Variants in MYCBP2 observed in about 807,000 individuals in gnomAD.
MYCBP2 encodes the protein E3 ubiquitin-protein ligase MYCBP2.
In MYCBP2, 120 loss-of-function variants were observed where a neutral mutation model predicts 525.3. That is an observed-to-expected ratio of 0.23 (90% CI 0.20 to 0.27). The LOEUF (loss-of-function observed/expected upper bound fraction) is 0.27. MYCBP2 is among the 10% of genes least tolerant of loss of function. The pLI, the probability that MYCBP2 is intolerant of heterozygous loss-of-function variation, is 1.00. For missense variants in MYCBP2, 4,149 were observed against 5,657.1 expected (o/e 0.73, Z 8.55); for synonymous variants, 1,894 against 1,955.8 (o/e 0.97, Z 0.83).
intron 40 of MYCBP2, 151 bp downstream of exon 40, chr13:77,168,277 C>A: frequency 1.7e-6 from 1 of 602,074 alleles, no homozygotes; most frequent in South Asian, 2.3e-5. Context: ...TTTTATATAT[C>A]CAACAGTGCC....
Position 77,045,394 on chromosome 13 carries a change from T to C in MYCBP2, c.14021A>G (p.Asn4674Ser). The C allele has an allele frequency of 1.2e-6, 2 of 1,613,710 alleles. No individual in the cohort carries two copies. The highest frequency in any genetic ancestry group is 1.7e-6 in the Non-Finnish European group (2 of 1,179,688). The part of the protein sequence containing the change: ...EFALGCGVCR[N>S]AHTF ...CTGCGTGTTCTAAAAAGTGTGGGCA[T>C]TTCTGCACACTCCACATCCCAGAGC... The change falls in exon 83 of 83, where the codon AAT (asparagine) becomes AGT (serine). Residue 4674 changes from asparagine to serine, a missense_variant. Coordinates refer to ENST00000544440, the MANE Select transcript of MYCBP2 (RefSeq NM_015057.5).
chr13:77,257,151 T>G (rs1483323722), intron 14 of MYCBP2, among the ~76,000 whole-genome samples: 1 of 152,110 alleles, frequency 6.6e-6, no homozygotes, highest in Non-Finnish European at 1.5e-5. Context: ...CAACTTCACA[T>G]GTTGTCACTC....
At chr13:77,129,920 C>G (rs905876152) in intron 52 of MYCBP2, among the ~76,000 whole-genome samples, 1 of 151,734 alleles carries the variant, frequency 6.6e-6, no homozygotes, top group Admixed American at 6.6e-5. Context: ...CTACTTTTCT[C>G]TATCTCAAAG....
In MYCBP2 at chr13:77,068,704, G is replaced by C; in HGVS notation, c.12032C>G (p.Ala4011Gly). The change falls in exon 70 of 83, where the codon GCC (alanine) becomes GGC (glycine). Residue 4011 changes from alanine to glycine, a missense_variant. Coordinates refer to ENST00000544440, the MANE Select transcript of MYCBP2 (RefSeq NM_015057.5). Reference sequence around the variant, plus strand: ...CATAGAGAGCAGCTCAAAGCAGTAGGCATCAGAGGAGGCATCTTCATCATT... The same window carrying C: ...CATAGAGAGCAGCTCAAAGCAGTAGCCATCAGAGGAGGCATCTTCATCATT... ...QPNDEDASSD[A>G]YCFELLSMVL... The C allele has an allele frequency of 6.2e-6, 10 of 1,614,150 alleles. No homozygotes were observed. The highest frequency in any genetic ancestry group is 8.5e-6 in the Non-Finnish European group (10 of 1,180,028).
chr13:77,211,720 T>C (rs1486682667), intron 22 of MYCBP2, among the ~76,000 whole-genome samples: 1 of 152,238 alleles, frequency 6.6e-6, no homozygotes, highest in Non-Finnish European at 1.5e-5. Context: ...ATTTAGTTTA[T>C]AGTTCTACCA....
intron 55 of MYCBP2, among the ~76,000 whole-genome samples, chr13:77,104,496 A>C (rs1393177975): frequency 6.6e-6 from 1 of 152,126 alleles, no homozygotes; most frequent in East Asian, 1.9e-4. Context: ...ATATGCCTAC[A>C]GATGTGTCAT....
chr13:77,241,216 T>G (rs767488087), intron 17 of MYCBP2, among the ~76,000 whole-genome samples: 1 of 152,206 alleles, frequency 6.6e-6, no homozygotes, highest in African/African-American at 2.4e-5. Flanking sequence ...CACCAAGTTA[T>G]GTCAAGTTAT....
rs2067365366 is a variant in MYCBP2 at position 77,233,184 on chromosome 13, C to G, written c.2709G>C (p.Gln903His). The change falls in exon 18 of 83, where the codon CAG becomes CAC. Residue 903 changes from glutamine to histidine, a missense_variant. Around this residue, in one of 21 missense-constraint regions of MYCBP2, gnomAD observed 620 missense variants for 795.5 expected, o/e 0.78. Transcript: ENST00000544440. Reference sequence around the variant, plus strand: ...TGTGCTTGTCCCGTTTATGCTTTAGCTGTGCTGGATGGGATCTGAGTCTGG... The same window carrying G: ...TGTGCTTGTCCCGTTTATGCTTTAGGTGTGCTGGATGGGATCTGAGTCTGG... ...ALARLRSHPAQLKHKRDKHKD... is the reference protein window; with the variant it reads ...ALARLRSHPAHLKHKRDKHKD... 1 of 1,613,454 alleles carries G rather than the reference C, an allele frequency of 6.2e-7. No individual in the cohort carries two copies. Among genetic ancestry groups the G allele is most frequent in the African/African-American group, 1.3e-5 (1 of 74,854 alleles).
chr13:77,196,781 G>C (rs1467654171), intron 26 of MYCBP2, among the ~76,000 whole-genome samples: 1 of 152,102 alleles, frequency 6.6e-6, no homozygotes, highest in African/African-American at 2.4e-5. Context: ...GCCTATCAGA[G>C]AGTCACGTGG....
chr13:77,273,384 A>T, intron 5 of MYCBP2, 88 bp downstream of exon 5: 1 of 1,190,520 alleles, frequency 8.4e-7, no homozygotes, highest in East Asian at 2.5e-5. Context: ...AATGAGTGAG[A>T]AAAAGCAGAA....
intron 7 of MYCBP2, among the ~76,000 whole-genome samples, chr13:77,268,362 T>C (rs1049724885): frequency 6.6e-6 from 1 of 152,226 alleles, no homozygotes; most frequent in Non-Finnish European, 1.5e-5. Context: ...TATAATAATA[T>C]ACTTTCCACG....
At chr13:77,128,128 T>C (rs1349272380) in intron 52 of MYCBP2, among the ~76,000 whole-genome samples, 3 of 151,830 alleles carry the variant, frequency 2.0e-5, no homozygotes, top group African/African-American at 7.2e-5. Context: ...TATGCAAACC[T>C]ACATGAATAC....
chr13:77,301,313 G>A (rs774968488), intron 1 of MYCBP2, among the ~76,000 whole-genome samples: 2 of 151,588 alleles, frequency 1.3e-5, no homozygotes, highest in Non-Finnish European at 2.9e-5. Context: ...CAACTAGGGA[G>A]GCGGAGGCAG....
At chr13:77,113,143 T>C (rs541131484) in intron 55 of MYCBP2, among the ~76,000 whole-genome samples, 2 of 152,314 alleles carry the variant, frequency 1.3e-5, no homozygotes, top group African/African-American at 4.8e-5. Context: ...GTTATCCTTA[T>C]AGTTGGAATG....
Position 77,083,186 on chromosome 13 carries a change from C to A in MYCBP2, c.10882G>T (p.Asp3628Tyr). The A allele has an allele frequency of 6.2e-7, 1 of 1,611,306 alleles. No individual in the cohort carries two copies. Among genetic ancestry groups the A allele is most frequent in the Non-Finnish European group, 8.5e-7 (1 of 1,178,798 alleles). The change falls in exon 63 of 83, where the codon GAT becomes TAT. Residue 3628 changes from aspartate to tyrosine, a missense_variant. This residue lies in a region of MYCBP2 where 509 missense variants were observed against 789.4 expected (regional missense o/e 0.64). Transcript: ENST00000544440. ...TSKENSEQEK[D>Y]TRVCEHPLSD... ...AGTGGATGTTCACATACTCTTGTATCTTTCTCCTAAGGCAGAAATTGAAAC... is the reference window on the plus strand; with the variant it reads ...AGTGGATGTTCACATACTCTTGTATATTTCTCCTAAGGCAGAAATTGAAAC...
intron 14 of MYCBP2, among the ~76,000 whole-genome samples, chr13:77,251,988 A>C (rs1209625582): frequency 6.6e-6 from 1 of 152,058 alleles, no homozygotes; most frequent in Non-Finnish European, 1.5e-5. Flanking sequence ...TATCTCATCT[A>C]GTAGAGAAAC....
At chr13:77,046,293 A>G (rs973638194) in intron 82 of MYCBP2, among the ~76,000 whole-genome samples, 1 of 152,244 alleles carries the variant, frequency 6.6e-6, no homozygotes. Context: ...CGCTAGGCTT[A>G]TACTTGAAAG....
intron 42 of MYCBP2, 60 bp from the exon 43 acceptor site, chr13:77,164,601 A>AT: frequency 1.0e-6 from 1 of 992,828 alleles, no homozygotes; most frequent in Non-Finnish European, 1.6e-6. Context: ...ACGGATTATC[A>AT]ACAAAATGTG....
chr13:77,287,133 C>T lies in MYCBP2; in HGVS notation c.594+1028G>A, dbSNP rs1185368987. On this transcript the variant is annotated intron_variant, in intron 3 of 82. Coordinates refer to ENST00000544440, the MANE Select transcript of MYCBP2 (RefSeq NM_015057.5). ...CGATCTCCTGACCTCGTGATCCGCC[C>T]GCCTTGGCCTCCCAAAGAGCTGGGA... 3.3e-5 allele frequency among the ~76,000 whole-genome samples: 5 copies of T among 150,896 alleles called. 1 individual carries two copies. The highest frequency in any genetic ancestry group is 2.0e-4 in the Admixed American group (3 of 15,174).
Sources: gnomAD v4.1 joint callset for allele counts (sites outside exome capture counted in the v4.1 genomes callset) on GRCh38, gnomAD v4.1.1 for gene constraint, gnomAD v4.1.1 regional missense constraint, MANE v1.5 for transcripts, NCBI Gene and HGNC (gene_info 2026-07-23, HGNC 2026-07-21) for gene names.